Variants in CFAP251 observed in about 807,000 individuals in gnomAD.
CFAP251 encodes cilia and flagella associated protein 251.
In CFAP251, 93 loss-of-function variants were observed where a neutral mutation model predicts 126.7. That is an observed-to-expected ratio of 0.73 (90% CI 0.62 to 0.87). The LOEUF (loss-of-function observed/expected upper bound fraction) is 0.87, where lower values mean the gene tolerates loss of function less well. Ranked by LOEUF, CFAP251 falls within the 40% of genes least tolerant of loss-of-function variation. The probability of loss-of-function intolerance (pLI) is 0.00; values close to 1 mark genes in which losing one functional copy is unlikely to be tolerated. For synonymous variants in CFAP251, 503 were observed against 506.9 expected (o/e 0.99, Z 0.10); for missense variants, 1,287 against 1,389.2 (o/e 0.93, Z 1.17).
rs1380861046 is a variant in CFAP251, at chr12:121,921,550, G to C, written c.245G>C (p.Gly82Ala). The C allele has an allele frequency of 6.2e-7, 1 of 1,613,936 alleles. No individual in the cohort carries two copies. The highest frequency in any genetic ancestry group is 8.5e-7 in the Non-Finnish European group (1 of 1,179,960). The change falls in exon 2 of 22, where the codon GGA becomes GCA. Residue 82 changes from glycine to alanine, a missense_variant. Gly to Ala is a moderately conservative substitution (Grantham distance 60). Transcript: ENST00000288912. ...ATGGAAGAAACTGAGGAAAAGGCTG[G>C]AGAAGTCCAAGAGAAGGAGGCTTCA... is the stretch of plus-strand genomic sequence containing the variant. ...IVMEETEEKA[G>A]EVQEKEASGI...
intron 3 of CFAP251, among the ~76,000 whole-genome samples, chr12:121,928,700 A>ATT (rs1271643236): frequency 7.0e-5 from 3 of 43,040 alleles, no homozygotes; most frequent in African/African-American, 3.2e-4. Flanking sequence ...GTATATATAT[A>ATT]TATATTTTTT....
chr12:121,993,729 G>A (rs1882939878), intron 19 of CFAP251, among the ~76,000 whole-genome samples: 1 of 150,584 alleles, frequency 6.6e-6, no homozygotes, highest in African/African-American at 2.4e-5. Flanking sequence ...CCCTCTGCCT[G>A]GCAACCACCC....
chr12:121,990,758 G>T (rs1336500828), intron 19 of CFAP251, among the ~76,000 whole-genome samples: 1 of 152,202 alleles, frequency 6.6e-6, no homozygotes, highest in African/African-American at 2.4e-5. Flanking sequence ...TTACACCTGG[G>T]CCCCAGCCTT....
intron 10 of CFAP251, 38 bp from the exon 11 acceptor site, chr12:121,957,036 A>G (rs1266832585): frequency 6.7e-7 from 1 of 1,498,260 alleles, no homozygotes; most frequent in Non-Finnish European, 9.0e-7. Flanking sequence ...ACTTGTTATT[A>G]TTGCTATTTG....
At chr12:121,994,962 TAAATTA>T (rs1882990589) in intron 19 of CFAP251, among the ~76,000 whole-genome samples, 1 of 136,660 alleles carries the variant, frequency 7.3e-6, no homozygotes, top group South Asian at 2.4e-4. Flanking sequence ...AATAAAAAAA[TAAATTA>T]AAAAAAAAAT....
At chr12:122,000,553 A>AC (rs1258779172) in intron 20 of CFAP251, among the ~76,000 whole-genome samples, 3 of 151,924 alleles carry the variant, frequency 2.0e-5, no homozygotes, top group Admixed American at 1.3e-4. Flanking sequence ...CTGTCAAAAA[A>AC]AAAAAAAAGA....
intron 17 of CFAP251, chr12:121,969,079 C>T (rs1199787653): frequency 2.5e-5 from 25 of 985,212 alleles, no homozygotes; most frequent in African/African-American, 3.5e-5. Flanking sequence ...GGTAGTGTGA[C>T]GTTGAGGAGC....
chr12:121,935,718 C>T (rs1033862003), intron 5 of CFAP251, among the ~76,000 whole-genome samples: 3 of 152,198 alleles, frequency 2.0e-5, no homozygotes, highest in African/African-American at 7.2e-5. Context: ...GGCAGGCTCA[C>T]TTCGATCAAG....
At chr12:121,972,723 C>T (rs1382556366) in intron 17 of CFAP251, among the ~76,000 whole-genome samples, 2 of 152,066 alleles carry the variant, frequency 1.3e-5, no homozygotes, top group Non-Finnish European at 2.9e-5. Flanking sequence ...CTCCTGACCT[C>T]GTGATCCACC....
intron 4 of CFAP251, 73 bp downstream of exon 4, chr12:121,931,959 C>T (rs1174288463): frequency 4.5e-6 from 6 of 1,340,954 alleles, no homozygotes; most frequent in Non-Finnish European, 3.9e-6. Flanking sequence ...TTTTGTATCT[C>T]AAGGGCTGAC....
At chr12:121,934,833 G>T (rs1369071819) in intron 5 of CFAP251, among the ~76,000 whole-genome samples, 3 of 152,164 alleles carry the variant, frequency 2.0e-5, no homozygotes, top group African/African-American at 4.8e-5. Context: ...TACAGACAGG[G>T]TCTCGCTCCA....
intron 3 of CFAP251, among the ~76,000 whole-genome samples, chr12:121,926,120 C>T (rs1332804001): frequency 1.3e-5 from 2 of 151,236 alleles, no homozygotes; most frequent in African/African-American, 4.8e-5. Context: ...CCGCCTAGGC[C>T]TCCCAGAGTG....
chr12:121,958,456 C>T lies in CFAP251; in HGVS notation c.1915C>T (p.Gln639Ter), dbSNP rs202238684. The change falls in exon 12 of 22, where the codon CAA becomes TAA. Residue 639 changes from glutamine (Q) to a stop codon, truncating the protein, a stop_gained. Coordinates refer to ENST00000288912, the MANE Select transcript of CFAP251 (RefSeq NM_144668.6). LOFTEE classifies it high-confidence loss of function. The part of the protein sequence containing the change: ...MIKVWNYENK[Q>*]YLFSRVFEKG... The stretch of plus-strand genomic sequence containing the variant: ...CAAAGTGTGGAATTATGAAAACAAA[C>T]AATATCTTTTCAGCAGGGTTTTTGA... The T allele has an allele frequency of 1.4e-4, 222 of 1,614,114 alleles. No individual in the cohort carries two copies. The highest frequency in any genetic ancestry group is 1.8e-4 in the Non-Finnish European group (212 of 1,180,046).
At chr12:121,991,540 C>T (rs1244723955) in intron 19 of CFAP251, among the ~76,000 whole-genome samples, 3 of 152,202 alleles carry the variant, frequency 2.0e-5, no homozygotes. Flanking sequence ...CAGAAACCCC[C>T]CAGGTGGGAC....
At chr12:121,988,641 T>C (rs913322086) in intron 19 of CFAP251, among the ~76,000 whole-genome samples, 3 of 152,228 alleles carry the variant, frequency 2.0e-5, no homozygotes, top group African/African-American at 7.2e-5. Context: ...CACGAACAGA[T>C]GGACATTTAC....
chr12:122,000,273 C>T (rs1220240920), intron 20 of CFAP251, among the ~76,000 whole-genome samples: 6 of 152,072 alleles, frequency 3.9e-5, no homozygotes, highest in Admixed American at 1.3e-4. Context: ...GGGTTGGGGC[C>T]GGGCGCAGTG....
At position 122,003,611 on chromosome 12, in the gene CFAP251, C is replaced by A; in HGVS notation, c.3338-41C>A. The A allele has an allele frequency of 4.0e-6, 6 of 1,507,692 alleles. No individual in the cohort carries two copies. The South Asian group carries it at 5.8e-5, about 15-fold the overall frequency. 93.4% of individuals were successfully genotyped at this position (1,507,692 alleles called of 1,614,324 possible). On this transcript the variant is annotated intron_variant, in intron 21 of 21. Transcript: ENST00000288912. The stretch of plus-strand genomic sequence containing the variant: ...CACCCAAAAAAGAAAGAAACATAAT[C>A]ATCATGAAGGCATTTGGTGTTCTTT...
chr12:121,967,862 TA>T (rs1383015639), intron 16 of CFAP251, 143 bp from the exon 17 acceptor site: 2 of 739,418 alleles, frequency 2.7e-6, no homozygotes, highest in Non-Finnish European at 4.3e-6. Flanking sequence ...CCAGCTACAT[TA>T]AATGTGGCTC....
rs964342570 is a variant in CFAP251 at position 121,968,964 on chromosome 12, C to T, written c.2771+795C>T. Reference sequence around the variant, plus strand: ...ACACTGTCCTCTCATCTACCCAAATCCGGCATGCTGCCGCAGGGCAGAGTC... The same window carrying T: ...ACACTGTCCTCTCATCTACCCAAATTCGGCATGCTGCCGCAGGGCAGAGTC... On this transcript the variant is annotated intron_variant, in intron 17 of 21. Transcript: ENST00000288912. 18 of 985,304 alleles carry T rather than the reference C, an allele frequency of 1.8e-5. No homozygotes were observed. The African/African-American group carries it at 3.0e-4, about 16-fold the overall frequency. 61.0% of individuals were successfully genotyped at this position (985,304 alleles called of 1,614,324 possible).
Sources: gnomAD v4.1 joint callset for allele counts (sites outside exome capture counted in the v4.1 genomes callset) on GRCh38, gnomAD v4.1.1 for gene constraint, MANE v1.5 for transcripts, NCBI Gene and HGNC (gene_info 2026-07-23, HGNC 2026-07-21) for gene names.